SLC38A4: variants seen among roughly 807,000 people sequenced by gnomAD.
SLC38A4 encodes the protein sodium-coupled neutral amino acid transporter 4.
SLC38A4 carries 20 observed loss-of-function variants against 63.1 expected under a neutral mutation model. The observed-to-expected ratio is 0.32, with a 90% CI of 0.22 to 0.46. The LOEUF (loss-of-function observed/expected upper bound fraction) is 0.46. Among genes scored for constraint, SLC38A4 ranks in the 20% least tolerant of loss-of-function variants. The probability of loss-of-function intolerance (pLI) is 1.00; values close to 1 mark genes in which losing one functional copy is unlikely to be tolerated. For synonymous variants in SLC38A4, 230 were observed against 225.5 expected (o/e 1.02, Z -0.18); for missense variants, 526 against 663.6 (o/e 0.79, Z 2.28).
At chr12:46,769,618 T>G (rs1938371739) in intron 14 of SLC38A4, among the ~76,000 whole-genome samples, 190 bp from the exon 15 acceptor site, 1 of 152,110 alleles carries the variant, frequency 6.6e-6, no homozygotes, top group Non-Finnish European at 1.5e-5. Context: ...TTAACCATTT[T>G]TAAGTGTACA....
upstream of SLC38A4, among the ~76,000 whole-genome samples, chr12:46,827,461 C>T (rs1217191180): frequency 2.0e-5 from 3 of 152,110 alleles, no homozygotes; most frequent in Admixed American, 2.0e-4. Flanking sequence ...CAAAAGTTGT[C>T]AAAGTCTGTT....
intron 2 of SLC38A4, among the ~76,000 whole-genome samples, chr12:46,797,709 C>T (rs78855118): frequency 0.065 from 9,894 of 152,140 alleles, 375 homozygotes; most frequent in South Asian, 0.14. Context: ...AATACATATA[C>T]CAAAGACTCC....
At chr12:46,771,955 T>C (rs972012535) in intron 14 of SLC38A4, among the ~76,000 whole-genome samples, 3 of 152,082 alleles carry the variant, frequency 2.0e-5, no homozygotes, top group Admixed American at 1.3e-4. Flanking sequence ...CCAGGGCCTC[T>C]GACCCACAAT....
chr12:46,765,879 G>A lies in SLC38A4; in HGVS notation c.*822C>T, dbSNP rs1410799323. 1 of 157,584 alleles carries A rather than the reference G, an allele frequency of 6.3e-6. No individual in the cohort carries two copies. Among genetic ancestry groups the A allele is most frequent in the Non-Finnish European group, 1.4e-5 (1 of 71,198 alleles). 9.8% of individuals were successfully genotyped at this position (157,584 alleles called of 1,614,324 possible). A position where few individuals can be genotyped will look rare whatever the true frequency, so the allele number is the denominator to read the frequency against. The stretch of plus-strand genomic sequence containing the variant: ...AATTCTGAATGAGGATGGAAGACGA[G>A]AGGGAGAGCATTGTTCAATGACAAA... On this transcript the variant is annotated 3_prime_UTR_variant, in exon 17 of 17. Transcript: ENST00000266579.
chr12:46,793,074 G>T lies in SLC38A4; in HGVS notation c.-3C>A. ...TTTCTCAGTTCCATGGGATCCATTT[G>T]AGCTGTCAGCGCTTTCTTGTCCACA... On this transcript the variant is annotated 5_prime_UTR_variant, in exon 3 of 17. Coordinates refer to ENST00000266579, the MANE Select transcript of SLC38A4 (RefSeq NM_018018.5). 1.2e-6 allele frequency: 2 copies of T among 1,608,408 alleles called. No homozygotes were observed. Among genetic ancestry groups the T allele is most frequent in the South Asian group, 1.1e-5 (1 of 90,972 alleles).
At chr12:46,775,255 A>G in intron 13 of SLC38A4, 82 bp from the exon 14 acceptor site, 1 of 1,508,246 alleles carries the variant, frequency 6.6e-7, no homozygotes, top group East Asian at 2.3e-5. Context: ...TATAGAGAGA[A>G]CACAGAACAG....
chr12:46,825,419 T>A (rs970017238), intron 1 of SLC38A4, among the ~76,000 whole-genome samples: 4 of 152,050 alleles, frequency 2.6e-5, no homozygotes, highest in African/African-American at 9.7e-5. Flanking sequence ...CTTTAAAGCA[T>A]ACTGTTACTA....
rs73104750 is a variant in SLC38A4, at chr12:46,809,368, A to C, written c.-304-5574T>G. 6.7e-3 allele frequency among the ~76,000 whole-genome samples: 1,020 copies of C among 152,240 alleles called. 5 individuals are homozygous for C. Among genetic ancestry groups the C allele is most frequent in the Admixed American group, 0.014 (219 of 15,284 alleles). On this transcript the variant is annotated intron_variant, in intron 1 of 16. Coordinates refer to ENST00000266579, the MANE Select transcript of SLC38A4 (RefSeq NM_018018.5). ...GGAATCTGAGCAGAGAGAGAGAAAT[A>C]ATAGTGTCATCGACATTTCCTCATT...
chr12:46,780,718 C>T (rs533473865), intron 7 of SLC38A4, among the ~76,000 whole-genome samples: 63 of 151,938 alleles, frequency 4.1e-4, no homozygotes, highest in African/African-American at 1.5e-3. Flanking sequence ...ATTATCTACT[C>T]TTGTGAAAGA....
chr12:46,788,411 C>A (rs1345052768), intron 4 of SLC38A4, 117 bp downstream of exon 4: 2 of 782,704 alleles, frequency 2.6e-6, no homozygotes, highest in Non-Finnish European at 4.2e-6. Flanking sequence ...CCTGAATAAA[C>A]ACAGAATGTG....
chr12:46,798,018 CT>C (rs1259645972), intron 2 of SLC38A4, among the ~76,000 whole-genome samples: 2 of 152,080 alleles, frequency 1.3e-5, no homozygotes, highest in African/African-American at 2.4e-5. Context: ...TCAAGTTAGT[CT>C]TTTTCTCTTC....
At chr12:46,831,515 G>A (rs1297550388) in intron 1 of SLC38A4, among the ~76,000 whole-genome samples, 1 of 152,232 alleles carries the variant, frequency 6.6e-6, no homozygotes, top group African/African-American at 2.4e-5. Context: ...AGCAGGCCGG[G>A]CAATCCGACC....
At chr12:46,772,780 T>C (rs778265132) in intron 14 of SLC38A4, among the ~76,000 whole-genome samples, 2 of 152,054 alleles carry the variant, frequency 1.3e-5, no homozygotes, top group Non-Finnish European at 2.9e-5. Context: ...CCAGTTACCA[T>C]GTTGAAAGAA....
intron 7 of SLC38A4, among the ~76,000 whole-genome samples, chr12:46,781,299 C>T (rs939158620): frequency 2.0e-5 from 3 of 152,096 alleles, no homozygotes; most frequent in South Asian, 2.1e-4. Context: ...TTTACAATAG[C>T]GGATGTACCT....
At position 46,764,903 on chromosome 12, in the gene SLC38A4, C is replaced by T. The variant is rs1938264663; in HGVS notation, c.*1798G>A. 6.6e-6 allele frequency: 1 copy of T among 152,496 alleles called. No homozygotes were observed. Among genetic ancestry groups the T allele is most frequent in the Non-Finnish European group, 1.5e-5 (1 of 67,974 alleles). The allele number at this position is 152,496 out of a possible 1,614,324, so 9.4% of individuals were successfully genotyped here. A position where few individuals can be genotyped will look rare whatever the true frequency, so the allele number is the denominator to read the frequency against. ...TTACAAATGGGGTTAAATTAATCAG[C>T]ACAAGCTATCATATGTATGTCTGCC... On this transcript the variant is annotated 3_prime_UTR_variant, in exon 17 of 17. Coordinates refer to ENST00000266579, the MANE Select transcript of SLC38A4 (RefSeq NM_018018.5).
At chr12:46,771,666 AGAGG>A (rs1565662316) in intron 14 of SLC38A4, among the ~76,000 whole-genome samples, 1 of 152,110 alleles carries the variant, frequency 6.6e-6, no homozygotes, top group East Asian at 1.9e-4. Context: ...AACAGAGCAA[AGAGG>A]GAGGGAGGTA....
At chr12:46,828,291 C>CT (rs771447019), upstream of SLC38A4, among the ~76,000 whole-genome samples, 80 of 151,972 alleles carry the variant, frequency 5.3e-4, no homozygotes, top group South Asian at 6.3e-3. Context: ...CTGATTTTTC[C>CT]TTTTTTTTAT....
At chr12:46,820,575 T>C (rs1197847005) in intron 1 of SLC38A4, among the ~76,000 whole-genome samples, 1 of 152,106 alleles carries the variant, frequency 6.6e-6, no homozygotes, top group Non-Finnish European at 1.5e-5. Context: ...TCTATTCATC[T>C]GTCCATGGAC....
chr12:46,796,820 C>T (rs572986032), intron 2 of SLC38A4, among the ~76,000 whole-genome samples: 2 of 152,166 alleles, frequency 1.3e-5, no homozygotes, highest in East Asian at 3.9e-4. Context: ...CCAAACAGAC[C>T]ATGATGTCTA....
Sources: gnomAD v4.1 joint callset for allele counts (sites outside exome capture counted in the v4.1 genomes callset) on GRCh38, gnomAD v4.1.1 for gene constraint, MANE v1.5 for transcripts, NCBI Gene and HGNC (gene_info 2026-07-23, HGNC 2026-07-21) for gene names.